CHRM3: variants seen among roughly 807,000 people sequenced by gnomAD.
CHRM3 encodes the protein muscarinic acetylcholine receptor M3.
Under a neutral mutation model 41.8 loss-of-function variants are expected in CHRM3, and 11 were observed. That is an observed-to-expected ratio of 0.26 (90% CI 0.17 to 0.44). CHRM3 has a LOEUF of 0.44. CHRM3 is among the 20% of genes least tolerant of loss of function. The pLI, the probability that CHRM3 is intolerant of heterozygous loss-of-function variation, is 1.00. For missense variants in CHRM3, 571 were observed against 745.4 expected, an observed-to-expected ratio of 0.77 and a Z score of 2.72; for synonymous variants, 297 against 301.4, an observed-to-expected ratio of 0.99 and a Z score of 0.15.
intron 1 of CHRM3, among the ~76,000 whole-genome samples, chr1:239,464,932 C>G (rs1258915213): frequency 2.0e-5 from 3 of 152,000 alleles, no homozygotes; most frequent in African/African-American, 7.2e-5. Flanking sequence ...TCTAGTGTAG[C>G]CTTGTAAGTC....
chr1:239,563,743 C>T (rs995177506), intron 3 of CHRM3, among the ~76,000 whole-genome samples: 3 of 151,728 alleles, frequency 2.0e-5, no homozygotes, highest in Non-Finnish European at 2.9e-5. Flanking sequence ...ACTCATCTGA[C>T]GAGAGGCTAT....
At chr1:239,596,856 TGCTGTACAAGTGAC>T (rs1221467375) in intron 3 of CHRM3, among the ~76,000 whole-genome samples, 3 of 152,132 alleles carry the variant, frequency 2.0e-5, no homozygotes, top group Non-Finnish European at 2.9e-5. Flanking sequence ...ATCTTTTAAA[TGCTGTACAAGTGAC>T]CAAAAATTTT....
chr1:239,599,671 C>T (rs182202226), intron 3 of CHRM3, among the ~76,000 whole-genome samples: 171 of 152,246 alleles, frequency 1.1e-3, no homozygotes, highest in Non-Finnish European at 1.8e-3. Context: ...TTTAATACAT[C>T]TAGCCTACCA....
chr1:239,609,273 C>A (rs1572907149), intron 3 of CHRM3, among the ~76,000 whole-genome samples: 1 of 152,166 alleles, frequency 6.6e-6, no homozygotes, highest in African/African-American at 2.4e-5. Context: ...GATCTGGCTT[C>A]TTTCACTCAG....
chr1:239,407,365 C>T (rs916477389), intron 1 of CHRM3, among the ~76,000 whole-genome samples: 2 of 146,878 alleles, frequency 1.4e-5, no homozygotes, highest in Admixed American at 6.9e-5. Flanking sequence ...TGTCTGTTAA[C>T]GCCCACTACA....
At chr1:239,838,636 G>C (rs937759101) in intron 6 of CHRM3, among the ~76,000 whole-genome samples, 2 of 152,154 alleles carry the variant, frequency 1.3e-5, no homozygotes, top group South Asian at 4.1e-4. Context: ...GGTGATTTGT[G>C]ATCTGGTCAC....
intron 4 of CHRM3, among the ~76,000 whole-genome samples, chr1:239,653,687 G>C (rs576616404): frequency 2.0e-5 from 3 of 152,168 alleles, no homozygotes. Flanking sequence ...TCCACTTAAA[G>C]AGCAAGATAA....
At chr1:239,513,184 C>A (rs929353028) in intron 2 of CHRM3, among the ~76,000 whole-genome samples, 2 of 152,106 alleles carry the variant, frequency 1.3e-5, no homozygotes, top group Non-Finnish European at 2.9e-5. Context: ...TAGAAGACAG[C>A]AATAAGGGCA....
intron 4 of CHRM3, among the ~76,000 whole-genome samples, chr1:239,647,528 T>G (rs1223284556): frequency 6.6e-6 from 1 of 152,212 alleles, no homozygotes; most frequent in Non-Finnish European, 1.5e-5. Context: ...GATGATTTCC[T>G]TCCTTGCCCA....
chr1:239,905,287 G>A (rs1180592099), intron 6 of CHRM3, among the ~76,000 whole-genome samples: 1 of 152,200 alleles, frequency 6.6e-6, no homozygotes, highest in East Asian at 1.9e-4. Context: ...CATGGAGGCT[G>A]TGGGTTCAGA....
chr1:239,747,131 CAA>C (rs1249178095), intron 5 of CHRM3, among the ~76,000 whole-genome samples: 5 of 152,086 alleles, frequency 3.3e-5, no homozygotes, highest in Non-Finnish European at 5.9e-5. Flanking sequence ...CAAGAAAAAT[CAA>C]AGTTAGCTTT....
At chr1:239,450,274 C>T (rs930994243) in intron 1 of CHRM3, among the ~76,000 whole-genome samples, 1 of 152,112 alleles carries the variant, frequency 6.6e-6, no homozygotes, top group Non-Finnish European at 1.5e-5. Flanking sequence ...AAATATCAAT[C>T]GTAACTGCTT....
rs184459659 is a variant in CHRM3, at chr1:239,492,872, C to T, written c.-422+65C>T. On this transcript the variant is annotated intron_variant, in intron 2 of 6. Transcript: ENST00000676153. ...AATTTTCATCAGTACTCAGAGTGAT[C>T]AAGGCTTTCATAGGCTGATTCTTTT... 4 of 152,284 alleles carry T rather than the reference C, an allele frequency of 2.6e-5. No individual in the cohort carries two copies. The East Asian group carries it at 7.7e-4, about 29-fold the overall frequency. 9.4% of individuals were successfully genotyped at this position (152,284 alleles called of 1,614,324 possible).
intron 5 of CHRM3, among the ~76,000 whole-genome samples, chr1:239,682,881 A>G (rs896528991): frequency 6.6e-6 from 1 of 152,168 alleles, no homozygotes. Flanking sequence ...TAATAATTGT[A>G]CATATTTATG....
intron 1 of CHRM3, among the ~76,000 whole-genome samples, chr1:239,467,581 T>A (rs1307792451): frequency 6.6e-6 from 1 of 152,224 alleles, no homozygotes; most frequent in Non-Finnish European, 1.5e-5. Flanking sequence ...ATCACAGGTG[T>A]GAGCCACCGT....
chr1:239,521,422 T>G (rs1394006755), intron 2 of CHRM3, among the ~76,000 whole-genome samples: 1 of 152,220 alleles, frequency 6.6e-6, no homozygotes, highest in Admixed American at 6.5e-5. Context: ...GAAGGCAGCT[T>G]CCTTCCAGAA....
chr1:239,579,125 G>T (rs1253323802), intron 3 of CHRM3, among the ~76,000 whole-genome samples: 1 of 152,196 alleles, frequency 6.6e-6, no homozygotes, highest in Non-Finnish European at 1.5e-5. Context: ...GAATGATGAA[G>T]TGAGTGAATG....
At chr1:239,497,181 C>T (rs932697050) in intron 2 of CHRM3, among the ~76,000 whole-genome samples, 3 of 152,054 alleles carry the variant, frequency 2.0e-5, no homozygotes, top group East Asian at 1.9e-4. Flanking sequence ...GGGTTAGGCA[C>T]CCCACATCCT....
At chr1:239,592,600 G>C (rs779104854) in intron 3 of CHRM3, among the ~76,000 whole-genome samples, 2 of 151,934 alleles carry the variant, frequency 1.3e-5, no homozygotes, top group Non-Finnish European at 2.9e-5. Flanking sequence ...TATTTTCAAG[G>C]TTCATTCCTG....
Sources: allele counts gnomAD v4.1 joint callset (sites outside exome capture counted in the v4.1 genomes callset), GRCh38; gene constraint gnomAD v4.1.1; transcripts MANE v1.5; gene names NCBI Gene and HGNC (gene_info 2026-07-23, HGNC 2026-07-21).